SEMA4D: variants seen among roughly 807,000 people sequenced by gnomAD.
SEMA4D encodes the protein semaphorin-4D.
SEMA4D carries 22 observed loss-of-function variants against 74.8 expected under a neutral mutation model. The ratio of observed to expected loss-of-function variants is 0.29; its 90% CI spans 0.21 to 0.42. The LOEUF is 0.42. SEMA4D is among the 10% of genes least tolerant of loss of function. SEMA4D has a pLI of 1.00. For synonymous variants in SEMA4D, 445 were observed against 463.7 expected, an observed-to-expected ratio of 0.96 and a Z score of 0.52; for missense variants, 937 against 1,118.4, an observed-to-expected ratio of 0.84 and a Z score of 2.31.
chr9:89,457,753 G>T (rs540724299), intron 1 of SEMA4D, among the ~76,000 whole-genome samples: 2 of 151,194 alleles, frequency 1.3e-5, no homozygotes, highest in Admixed American at 6.6e-5. Flanking sequence ...CAAAAAACAG[G>T]CCAGGCACGG....
In SEMA4D at chr9:89,421,195, G is replaced by A. The variant is rs138776784; in HGVS notation, c.-243-15496C>T. ...TGTGGCTGTGGACGGGGAGAGGGCC[G>A]TGAGCCCCTTCTGCTCAATCTCCTC... is the stretch of plus-strand genomic sequence containing the variant. On this transcript the variant is annotated intron_variant, in intron 2 of 15. Coordinates refer to ENST00000422704, the MANE Select transcript of SEMA4D (RefSeq NM_001371194.2). Among the ~76,000 whole-genome samples, 150 of 152,314 alleles carry A rather than the reference G, an allele frequency of 9.8e-4. 2 individuals carry two copies. The East Asian group carries it at 0.027, about 27-fold the overall frequency.
rs534671276 is a variant in SEMA4D, at chr9:89,388,673, C to T, written c.1070G>A (p.Arg357His). The change falls in exon 11 of 16, where the codon CGC (arginine) becomes CAC (histidine). Residue 357 changes from arginine to histidine, a missense_variant. Arg to His is a conservative substitution (Grantham distance 29). Transcript: ENST00000422704. ...TVEQSHTKWV[R>H]YNGPVPKPRP... ...CGGCTTGGGTACCGGGCCATTATAG[C>T]GCACCCACTTGGTGTGGGACTGCTC... 50 of 1,604,316 alleles carry T rather than the reference C, an allele frequency of 3.1e-5. No individual in the cohort carries two copies. In the East Asian group the frequency reaches 8.9e-4, roughly 29 times the overall value.
chr9:89,388,320 C>A (rs181086927), intron 11 of SEMA4D, among the ~76,000 whole-genome samples: 90 of 152,366 alleles, frequency 5.9e-4, no homozygotes, highest in Non-Finnish European at 1.0e-3. Context: ...GTGGACAGTG[C>A]AGAGGCCTTT....
intron 2 of SEMA4D, chr9:89,450,837 T>G (rs939577113): frequency 3.1e-6 from 2 of 654,742 alleles, no homozygotes; most frequent in Non-Finnish European, 5.2e-6. Context: ...GCAGTTCTTC[T>G]CCACCTAGGA....
intron 2 of SEMA4D, among the ~76,000 whole-genome samples, chr9:89,454,581 G>A (rs557770376): frequency 3.9e-5 from 6 of 152,316 alleles, no homozygotes; most frequent in African/African-American, 1.2e-4. Flanking sequence ...AGCCGGAAAC[G>A]AGAGACCTGC....
At chr9:89,364,502 G>A in intron 16 of SEMA4D, 1 of 186,982 alleles carries the variant, frequency 5.3e-6, no homozygotes, top group East Asian at 1.2e-4. Flanking sequence ...AGGCTGGAGA[G>A]CTCAGACCCT....
chr9:89,375,179 G>T, downstream of SEMA4D, among the ~76,000 whole-genome samples: 1 of 152,294 alleles, frequency 6.6e-6, no homozygotes, highest in South Asian at 2.1e-4. Context: ...CCTCCCCACC[G>T]AGGAGGAGCT....
chr9:89,401,852 A>G (rs1400696195), intron 4 of SEMA4D, among the ~76,000 whole-genome samples: 1 of 152,114 alleles, frequency 6.6e-6, no homozygotes, highest in Non-Finnish European at 1.5e-5. Context: ...GCTAACAAGT[A>G]GAGAAGGAGA....
intron 18 of SEMA4D, chr9:89,362,461 TG>T: frequency 6.2e-7 from 1 of 1,613,976 alleles, no homozygotes; most frequent in East Asian, 2.2e-5. Flanking sequence ...GAATCCTTGG[TG>T]GAACGGATGG....
chr9:89,451,960 G>A (rs1240144874), intron 2 of SEMA4D, among the ~76,000 whole-genome samples: 4 of 152,140 alleles, frequency 2.6e-5, no homozygotes, highest in African/African-American at 9.7e-5. Context: ...TCTGTATCAG[G>A]TGTGGTGTCC....
intron 2 of SEMA4D, among the ~76,000 whole-genome samples, chr9:89,420,755 C>T (rs753614381): frequency 6.6e-5 from 10 of 152,248 alleles, no homozygotes; most frequent in Non-Finnish European, 1.3e-4. Context: ...CCAGTCCTGG[C>T]TTCTCCAAGT....
intron 2 of SEMA4D, among the ~76,000 whole-genome samples, chr9:89,425,372 G>A (rs544346656): frequency 1.6e-4 from 25 of 152,326 alleles, no homozygotes; most frequent in African/African-American, 6.0e-4. Context: ...GTCTCCTGGG[G>A]GAAAATGTAA....
chr9:89,438,954 C>T (rs1297827713), intron 2 of SEMA4D, among the ~76,000 whole-genome samples: 29 of 129,042 alleles, frequency 2.2e-4, no homozygotes, highest in Non-Finnish European at 3.6e-4. Flanking sequence ...TGTGAGCCAC[C>T]GCACCGGGCC....
At chr9:89,467,088 G>T (rs1858924635) in intron 1 of SEMA4D, among the ~76,000 whole-genome samples, 1 of 152,200 alleles carries the variant, frequency 6.6e-6, no homozygotes, top group African/African-American at 2.4e-5. Flanking sequence ...TTGTTGTTCA[G>T]GCTGAAAAGT....
At chr9:89,399,176 A>T (rs1282430492) in intron 5 of SEMA4D, 100 bp downstream of exon 5, 2 of 982,768 alleles carry the variant, frequency 2.0e-6, no homozygotes, top group African/African-American at 3.2e-5. Context: ...GAGCCTGGAG[A>T]AAAGGCTGGC....
chr9:89,415,456 C>T (rs1323043621), intron 2 of SEMA4D, among the ~76,000 whole-genome samples: 1 of 152,142 alleles, frequency 6.6e-6, no homozygotes, highest in African/African-American at 2.4e-5. Context: ...GTCTGGATTA[C>T]CCCCAAATTC....
intron 2 of SEMA4D, among the ~76,000 whole-genome samples, chr9:89,420,957 T>G (rs4291357): frequency 1.6e-4 from 25 of 152,370 alleles, no homozygotes; most frequent in African/African-American, 5.8e-4. Context: ...TTCTTACCAC[T>G]TGTGAAATGA....
chr9:89,398,610 C>T (rs1333635749), intron 5 of SEMA4D, among the ~76,000 whole-genome samples: 1 of 152,184 alleles, frequency 6.6e-6, no homozygotes. Flanking sequence ...AGAAAAGGGG[C>T]CCACTGAGCT....
intron 2 of SEMA4D, chr9:89,450,238 A>G: frequency 2.5e-6 from 3 of 1,207,956 alleles, no homozygotes. Context: ...TATGCTGTGG[A>G]TGTTCTCATC....
Sources: allele counts gnomAD v4.1 joint callset (sites outside exome capture counted in the v4.1 genomes callset), GRCh38; gene constraint gnomAD v4.1.1; transcripts MANE v1.5; gene names NCBI Gene and HGNC (gene_info 2026-07-23, HGNC 2026-07-21).